ZSWIM5: variants seen among roughly 807,000 people sequenced by gnomAD.
ZSWIM5 encodes zinc finger SWIM-type containing 5, also known as zinc finger SWIM domain-containing protein 5.
ZSWIM5 carries 55 observed loss-of-function variants against 119.6 expected under a neutral mutation model. That is an observed-to-expected ratio of 0.46 (90% CI 0.37 to 0.58). The LOEUF (loss-of-function observed/expected upper bound fraction) is 0.58, where lower values mean the gene tolerates loss of function less well. Among genes scored for constraint, ZSWIM5 ranks in the 20% least tolerant of loss-of-function variants. ZSWIM5 has a pLI of 0.00. For synonymous variants in ZSWIM5, 537 were observed against 606.9 expected (o/e 0.88, Z 1.69); for missense variants, 1,193 against 1,512.8 (o/e 0.79, Z 3.51).
At chr1:45,147,993 A>T (rs1003982141) in intron 1 of ZSWIM5, among the ~76,000 whole-genome samples, 1 of 152,206 alleles carries the variant, frequency 6.6e-6, no homozygotes, top group Non-Finnish European at 1.5e-5. Flanking sequence ...AAGGGATTGT[A>T]ATCAAACAAA....
intron 1 of ZSWIM5, among the ~76,000 whole-genome samples, chr1:45,106,038 G>A (rs61788391): frequency 0.068 from 9,278 of 136,194 alleles, 113 homozygotes; most frequent in Non-Finnish European, 0.098. Context: ...GGTGAGGAGC[G>A]CCTCTGCCCG....
chr1:45,024,293 G>A (rs1644907584), intron 11 of ZSWIM5, among the ~76,000 whole-genome samples: 1 of 149,474 alleles, frequency 6.7e-6, no homozygotes, highest in Admixed American at 6.8e-5. Flanking sequence ...CTGGGTTCAA[G>A]CGATTCTTTT....
chr1:45,043,387 A>G lies in ZSWIM5; in HGVS notation c.1441T>C (p.Ser481Pro). 9 of 1,614,116 alleles carry G rather than the reference A, an allele frequency of 5.6e-6. No homozygotes were observed. Among genetic ancestry groups the G allele is most frequent in the Non-Finnish European group, 7.6e-6 (9 of 1,179,986 alleles). ...QSAIHSPDSL[S>P]RPRRTVFTRA... ...GTGAATACTGTTCGTCTTGGTCTGG[A>G]TAAGGAGTCTGGAGAAAGAAGAACA... is the stretch of plus-strand genomic sequence containing the variant. The change falls in exon 6 of 14, where the codon TCC becomes CCC. Residue 481 changes from serine (S) to proline (P), a missense_variant. Coordinates refer to ENST00000359600, the MANE Select transcript of ZSWIM5 (RefSeq NM_020883.2).
Position 45,018,211 on chromosome 1 carries a change from TG to T in ZSWIM5, c.*242del. 1 of 564,488 alleles carries T rather than the reference TG, an allele frequency of 1.8e-6. No individual in the cohort carries two copies. Among genetic ancestry groups the T allele is most frequent in the Non-Finnish European group, 3.1e-6 (1 of 317,530 alleles). The allele number at this position is 564,488 out of a possible 1,614,324, so 35.0% of individuals were successfully genotyped here. ...TATAGGGGCATGAGGTGGCATGTTG[TG>T]GGGTTTCTGGTCGATCTGCAGGGCC... is the stretch of plus-strand genomic sequence containing the variant. On this transcript the variant is annotated 3_prime_UTR_variant, in exon 14 of 14. Coordinates refer to ENST00000359600, the MANE Select transcript of ZSWIM5 (RefSeq NM_020883.2). This position sits in a 1 kb window ranked among gnomAD's most constrained non-coding sequence, Gnocchi z 6.7.
Position 45,038,978 on chromosome 1 carries a change from C to A in ZSWIM5, c.1852G>T (p.Glu618Ter). ...CCATCATCATTCAGGCGGCAGGCCT[C>A]AGTCAAAGTGAGAAACAGGCAGTCG... Reference protein sequence around the residue: ...PIDCLFLTLTEACRLNDDGYL... With the variant: ...PIDCLFLTLT Residue 618 changes from glutamate to a stop codon, truncating the protein, a stop_gained, in exon 8 of 14, where the codon GAG becomes TAG. Coordinates refer to ENST00000359600, the MANE Select transcript of ZSWIM5 (RefSeq NM_020883.2). LOFTEE classifies it high-confidence loss of function. 6.2e-7 allele frequency: 1 copy of A among 1,614,128 alleles called. No homozygotes were observed. The highest frequency in any genetic ancestry group is 8.5e-7 in the Non-Finnish European group (1 of 1,180,030).
chr1:45,053,762 CAAAAAAAAAA>C (rs10675427), intron 4 of ZSWIM5, among the ~76,000 whole-genome samples: 2 of 92,068 alleles, frequency 2.2e-5, no homozygotes, highest in African/African-American at 4.3e-5. Flanking sequence ...GACTCTGTTT[CAAAAAAAAAA>C]AAAAAAAAAA....
intron 6 of ZSWIM5, among the ~76,000 whole-genome samples, chr1:45,041,852 T>C (rs1645020195): frequency 6.6e-6 from 1 of 152,230 alleles, no homozygotes; most frequent in Admixed American, 6.5e-5. Context: ...AAGTTTTTAC[T>C]AAAAATGGGA....
At chr1:45,075,402 T>C (rs1645250436) in intron 2 of ZSWIM5, among the ~76,000 whole-genome samples, 6 of 152,338 alleles carry the variant, frequency 3.9e-5, no homozygotes, top group African/African-American at 1.4e-4. Flanking sequence ...TGGGTGTATA[T>C]GTATTTACAA....
At chr1:45,176,127 G>A (rs1645979632) in intron 1 of ZSWIM5, among the ~76,000 whole-genome samples, 3 of 148,732 alleles carry the variant, frequency 2.0e-5, no homozygotes, top group Non-Finnish European at 4.5e-5. Context: ...TCAGTTAACT[G>A]AATGCCATAT....
chr1:45,029,532 G>A (rs751227471), intron 11 of ZSWIM5, among the ~76,000 whole-genome samples: 15 of 152,018 alleles, frequency 9.9e-5, no homozygotes, highest in African/African-American at 1.4e-4. Context: ...CGATTGTAAA[G>A]TTATACATTT....
At chr1:45,158,331 G>A (rs762086745) in intron 1 of ZSWIM5, among the ~76,000 whole-genome samples, 10 of 152,002 alleles carry the variant, frequency 6.6e-5, no homozygotes, top group Non-Finnish European at 1.3e-4. Flanking sequence ...ACCATGCCTG[G>A]CTAATTTTTG....
At chr1:45,025,550 C>T (rs1644915934) in intron 11 of ZSWIM5, among the ~76,000 whole-genome samples, 1 of 152,012 alleles carries the variant, frequency 6.6e-6, no homozygotes, top group South Asian at 2.1e-4. Context: ...AGATTTATTC[C>T]TAAGTACTTC....
chr1:45,103,777 T>C (rs1011541047), intron 1 of ZSWIM5, among the ~76,000 whole-genome samples: 1 of 152,246 alleles, frequency 6.6e-6, no homozygotes. Context: ...TGCTTAGAGT[T>C]CTAAAGGAAA....
chr1:45,184,295 C>A (rs1335923792), intron 1 of ZSWIM5, among the ~76,000 whole-genome samples: 1 of 151,878 alleles, frequency 6.6e-6, no homozygotes, highest in African/African-American at 2.4e-5. Flanking sequence ...CAATATCATA[C>A]TGAATGGGCA....
At chr1:45,047,812 T>C (rs1205359314) in intron 5 of ZSWIM5, among the ~76,000 whole-genome samples, 1 of 152,170 alleles carries the variant, frequency 6.6e-6, no homozygotes, top group East Asian at 1.9e-4. Flanking sequence ...AATTCTCTTC[T>C]GATTGCTTCT....
At chr1:45,031,279 T>C (rs1644951474) in intron 11 of ZSWIM5, among the ~76,000 whole-genome samples, 1 of 143,690 alleles carries the variant, frequency 7.0e-6, no homozygotes, top group Non-Finnish European at 1.5e-5. Context: ...TGTGTTCAGA[T>C]GATTATAGTA....
At chr1:45,164,357 T>C (rs1190932102) in intron 1 of ZSWIM5, among the ~76,000 whole-genome samples, 1 of 152,066 alleles carries the variant, frequency 6.6e-6, no homozygotes, top group East Asian at 1.9e-4. Flanking sequence ...TACCAGCCAC[T>C]GCAAAAACAT....
intron 11 of ZSWIM5, among the ~76,000 whole-genome samples, chr1:45,031,930 T>C (rs1644955957): frequency 6.6e-6 from 1 of 152,088 alleles, no homozygotes; most frequent in Non-Finnish European, 1.5e-5. Flanking sequence ...AAACCTTAGC[T>C]ACATTCTACA....
chr1:45,020,699 A>G lies in ZSWIM5; in HGVS notation c.2539T>C (p.Phe847Leu), dbSNP rs1644882593. 6.2e-7 allele frequency: 1 copy of G among 1,614,172 alleles called. No individual in the cohort carries two copies. Among genetic ancestry groups the G allele is most frequent in the Non-Finnish European group, 8.5e-7 (1 of 1,180,014 alleles). Residue 847 changes from phenylalanine to leucine, a missense_variant, in exon 12 of 14, where the codon TTC becomes CTC. Phe to Leu is a conservative substitution (Grantham distance 22, BLOSUM62 0). Coordinates refer to ENST00000359600, the MANE Select transcript of ZSWIM5 (RefSeq NM_020883.2). ...CTGTCGGTGGGAGTAGCAATCTTGA[A>G]TGCATCTTGGGCCAGTTTGAAGATG... Reference protein sequence around the residue: ...SLIFKLAQDAFKIATPTDSST... With the variant: ...SLIFKLAQDALKIATPTDSST...
Sources: allele counts gnomAD v4.1 joint callset (sites outside exome capture counted in the v4.1 genomes callset), GRCh38; gene constraint gnomAD v4.1.1; non-coding constraint Gnocchi (gnomAD v3.1); transcripts MANE v1.5; gene names NCBI Gene and HGNC (gene_info 2026-07-23, HGNC 2026-07-21).